Variants in DOK5 observed in about 807,000 individuals in gnomAD.
DOK5 encodes the protein downstream of tyrosine kinase 5.
DOK5 carries 27 observed loss-of-function variants against 43.3 expected under a neutral mutation model. The observed-to-expected ratio is 0.62, with a 90% CI of 0.46 to 0.86. DOK5 has a LOEUF of 0.86. Ranked by LOEUF, DOK5 falls within the 40% of genes least tolerant of loss-of-function variation. The pLI is 0.00. For synonymous variants in DOK5, 146 were observed against 140.1 expected, an observed-to-expected ratio of 1.04 and a Z score of -0.30; for missense variants, 373 against 392.9, an observed-to-expected ratio of 0.95 and a Z score of 0.43.
chr20:54,590,569 CA>C (rs1985948278), intron 4 of DOK5, among the ~76,000 whole-genome samples: 1 of 151,996 alleles, frequency 6.6e-6, no homozygotes. Context: ...TACTAGAAAT[CA>C]ACAAATATTT....
At chr20:54,650,333 T>TA (rs1295670986) in intron 7 of DOK5, 82 bp from the exon 8 acceptor site, 71 of 1,378,732 alleles carry the variant, frequency 5.1e-5, no homozygotes, top group Non-Finnish European at 6.1e-6. Context: ...TTATTTCTGT[T>TA]ATAGAGAAAG....
chr20:54,650,310 T>G (rs766067388), intron 7 of DOK5, 105 bp from the exon 8 acceptor site: 12 of 1,113,106 alleles, frequency 1.1e-5, no homozygotes, highest in Non-Finnish European at 1.4e-5. Flanking sequence ...AATTCTGCCT[T>G]AAGTACATTT....
intron 1 of DOK5, among the ~76,000 whole-genome samples, chr20:54,551,650 A>G (rs78399350): frequency 0.012 from 1,762 of 152,244 alleles, 41 homozygotes; most frequent in African/African-American, 0.041. Context: ...AGTACTGTAC[A>G]CTGAAAAGTT....
chr20:54,563,377 C>T (rs983200017), intron 2 of DOK5, among the ~76,000 whole-genome samples: 1 of 152,148 alleles, frequency 6.6e-6, no homozygotes, highest in Non-Finnish European at 1.5e-5. Context: ...AACTTTGTTT[C>T]TTGTTTTATT....
At chr20:54,481,257 C>A (rs1419095085) in intron 1 of DOK5, among the ~76,000 whole-genome samples, 1 of 152,078 alleles carries the variant, frequency 6.6e-6, no homozygotes, top group Admixed American at 6.5e-5. Context: ...GCAGCCTCTG[C>A]CTCCTGGGTT....
At chr20:54,512,193 T>C (rs1317719860) in intron 1 of DOK5, among the ~76,000 whole-genome samples, 1 of 152,242 alleles carries the variant, frequency 6.6e-6, no homozygotes, top group East Asian at 1.9e-4. Context: ...CTGCTTCCTT[T>C]CTTTTCCTAT....
chr20:54,535,239 A>G (rs543553455), intron 1 of DOK5, among the ~76,000 whole-genome samples: 4 of 151,828 alleles, frequency 2.6e-5, no homozygotes, highest in African/African-American at 9.7e-5. Context: ...TTTTTACCAC[A>G]TGACAATTAT....
chr20:54,576,289 A>G (rs1336776390), intron 2 of DOK5, among the ~76,000 whole-genome samples: 1 of 152,164 alleles, frequency 6.6e-6, no homozygotes, highest in East Asian at 1.9e-4. Flanking sequence ...TTTAAAATAA[A>G]TTTTAAATAA....
chr20:54,636,630 G>A (rs1294044158), intron 6 of DOK5, among the ~76,000 whole-genome samples: 2 of 151,968 alleles, frequency 1.3e-5, no homozygotes, highest in East Asian at 3.9e-4. Flanking sequence ...CTAACCCCTT[G>A]CCTGCCAAAC....
rs545427438 is a variant in DOK5, at chr20:54,612,104, G to A, written c.735+1581G>A. Among the ~76,000 whole-genome samples the A allele has an allele frequency of 3.3e-5, 5 of 152,310 alleles. No homozygotes were observed. In the South Asian group the frequency reaches 1.0e-3, roughly 32 times the overall value. On this transcript the variant is annotated intron_variant, in intron 6 of 7. Transcript: ENST00000262593. ...TACAAATTTCATATAATTTTCACAT[G>A]TCAGGAAATATTACTCTTCTGTTGA...
At chr20:54,640,150 A>G (rs1230727531) in intron 6 of DOK5, among the ~76,000 whole-genome samples, 1 of 152,240 alleles carries the variant, frequency 6.6e-6, no homozygotes, top group Non-Finnish European at 1.5e-5. Flanking sequence ...CAGAGAAAAC[A>G]CAAGCAGGCA....
Position 54,563,664 on chromosome 20 carries a change from GTTT to G in DOK5, c.174+8644_174+8646del, listed in dbSNP as rs76886127. Among the ~76,000 whole-genome samples, 437 of 114,350 alleles carry G rather than the reference GTTT, an allele frequency of 3.8e-3. 1 individual carries two copies. The highest frequency in any genetic ancestry group is 0.014 in the African/African-American group (423 of 29,362). The allele number at this position is 114,350 out of a possible 152,430, so 75.0% of individuals were successfully genotyped here. ...TGCTTTTCTCTTCTCTATTTGTCAGGTTTTTTTTTTTTTTTTTTTTTTACTTTC... is the reference window on the plus strand; with the variant it reads ...TGCTTTTCTCTTCTCTATTTGTCAGGTTTTTTTTTTTTTTTTTTTACTTTC... On this transcript the variant is annotated intron_variant, in intron 2 of 7. Coordinates refer to ENST00000262593, the MANE Select transcript of DOK5 (RefSeq NM_018431.5).
chr20:54,636,945 CAT>C (rs1339723965), intron 6 of DOK5, among the ~76,000 whole-genome samples: 2 of 152,192 alleles, frequency 1.3e-5, no homozygotes, highest in African/African-American at 4.8e-5. Flanking sequence ...CATGGAATAA[CAT>C]AATCCCTGGA....
At chr20:54,639,203 G>C (rs1007406616) in intron 6 of DOK5, among the ~76,000 whole-genome samples, 1 of 152,142 alleles carries the variant, frequency 6.6e-6, no homozygotes, top group Non-Finnish European at 1.5e-5. Flanking sequence ...CAAGTCCCTG[G>C]ACTCCCTCCC....
chr20:54,481,390 G>A (rs1420268049), intron 1 of DOK5, among the ~76,000 whole-genome samples: 3 of 151,994 alleles, frequency 2.0e-5, no homozygotes, highest in African/African-American at 4.8e-5. Flanking sequence ...GGCTGGTGTC[G>A]AACTCCTGAC....
At chr20:54,561,805 C>T (rs564972488) in intron 2 of DOK5, among the ~76,000 whole-genome samples, 97 of 152,276 alleles carry the variant, frequency 6.4e-4, no homozygotes, top group East Asian at 3.3e-3. Flanking sequence ...TATAGGCATG[C>T]GCCACCAAGT....
intron 1 of DOK5, among the ~76,000 whole-genome samples, chr20:54,491,983 A>G (rs935762632): frequency 1.3e-5 from 2 of 152,104 alleles, no homozygotes; most frequent in Non-Finnish European, 2.9e-5. Context: ...AAAGAAAGAC[A>G]AAGGGAGGGA....
chr20:54,618,331 ATTTTCCCTTTT>A (rs1214525416), intron 6 of DOK5, among the ~76,000 whole-genome samples: 3 of 142,760 alleles, frequency 2.1e-5, no homozygotes, highest in East Asian at 2.0e-4. Context: ...TGGTCTTAGC[ATTTTCCCTTTT>A]TTTTCCCTTT....
chr20:54,640,692 ATGCTGGGC>A (rs746989940), intron 6 of DOK5, among the ~76,000 whole-genome samples: 1 of 152,234 alleles, frequency 6.6e-6, no homozygotes, highest in Non-Finnish European at 1.5e-5. Flanking sequence ...CAGTCAAATC[ATGCTGGGC>A]TGCCTAAATA....
Sources: gnomAD v4.1 joint callset for allele counts (sites outside exome capture counted in the v4.1 genomes callset) on GRCh38, gnomAD v4.1.1 for gene constraint, MANE v1.5 for transcripts, NCBI Gene and HGNC (gene_info 2026-07-23, HGNC 2026-07-21) for gene names.